SH2B1: variants seen among roughly 807,000 people sequenced by gnomAD.
SH2B1 encodes SH2B adaptor protein 1.
Under a neutral mutation model 62.6 loss-of-function variants are expected in SH2B1, and 15 were observed. The observed-to-expected ratio is 0.24, with a 90% CI of 0.16 to 0.37. The LOEUF (loss-of-function observed/expected upper bound fraction) is 0.37. Ranked by LOEUF, SH2B1 falls within the 10% of genes least tolerant of loss-of-function variation. The probability of loss-of-function intolerance (pLI) is 1.00; values close to 1 mark genes in which losing one functional copy is unlikely to be tolerated. For missense variants in SH2B1, 925 were observed against 1,015.6 expected, an observed-to-expected ratio of 0.91 and a Z score of 1.21; for synonymous variants, 443 against 438.0, an observed-to-expected ratio of 1.01 and a Z score of -0.14.
At chr16:28,870,702 G>A (rs968074208) in intron 4 of SH2B1, among the ~76,000 whole-genome samples, 1 of 150,920 alleles carries the variant, frequency 6.6e-6, no homozygotes, top group Non-Finnish European at 1.5e-5. Context: ...TTTTGTTTTT[G>A]AGATAGGGTC....
At chr16:28,860,702 ATT>A (rs1962424271), upstream of SH2B1, among the ~76,000 whole-genome samples, 1 of 151,802 alleles carries the variant, frequency 6.6e-6, no homozygotes, top group South Asian at 2.1e-4. Flanking sequence ...CCTTTATATC[ATT>A]TGTGTTTGTG....
Position 28,866,914 on chromosome 16 carries a change from G to A in SH2B1, c.820G>A (p.Val274Met), listed in dbSNP as rs748792237. Residue 274 changes from valine to methionine, a missense_variant, in exon 1 of 8, where the codon GTG becomes ATG. Physicochemically the swap from Val to Met is conservative, Grantham distance 21. Coordinates refer to ENST00000684370, the MANE Select transcript of SH2B1 (RefSeq NM_001387430.1). The surrounding 1 kb of genome is among the most constrained non-coding windows in gnomAD (Gnocchi z 6.3). The part of the protein sequence containing the change: ...DPAGVGRGGG[V>M]AGPPSGGGGQ... Reference sequence around the variant, plus strand: ...AGCCGGAGTGGGCCGGGGAGGAGGGGTGGCTGGGCCTCCTTCAGGGGGAGG... The same window carrying A: ...AGCCGGAGTGGGCCGGGGAGGAGGGATGGCTGGGCCTCCTTCAGGGGGAGG... 5.0e-6 allele frequency: 8 copies of A among 1,611,962 alleles called. No homozygotes were observed. In the African/African-American group the frequency reaches 5.3e-5, roughly 11 times the overall value.
At chr16:28,869,599 C>T (rs1962920183) in intron 4 of SH2B1, among the ~76,000 whole-genome samples, 1 of 152,170 alleles carries the variant, frequency 6.6e-6, no homozygotes, top group South Asian at 2.1e-4. Context: ...CCAAGCAAAC[C>T]TTAGCCAGGC....
intron 4 of SH2B1, among the ~76,000 whole-genome samples, chr16:28,870,394 A>G (rs1962962698): frequency 6.6e-6 from 1 of 152,224 alleles, no homozygotes; most frequent in East Asian, 1.9e-4. Flanking sequence ...AGAGACAGGG[A>G]CTGCGACGCC....
rs775842754 is a variant in SH2B1 at position 28,872,311 on chromosome 16, C to T, written c.1635C>T (p.Gly545=). 4 of 1,613,772 alleles carry T rather than the reference C, an allele frequency of 2.5e-6. No homozygotes were observed. In the Admixed American group the frequency reaches 6.7e-5, roughly 27 times the overall value. The change falls in exon 6 of 8, where the codon GGC becomes GGT. Residue 545 remains glycine, a synonymous_variant. Transcript: ENST00000684370. This position sits in a 1 kb window ranked among gnomAD's most constrained non-coding sequence, Gnocchi z 5.3. Reference sequence around the variant, plus strand: ...CTGCACAGTTGGTGCTGACTGGCGGCACTGGCTCCCACGGTGTCTTCCTGG... The same window carrying T: ...CTGCACAGTTGGTGCTGACTGGCGGTACTGGCTCCCACGGTGTCTTCCTGG... ...LKAAQLVLTG[G]TGSHGVFLVR...
rs1387779931 is a variant in SH2B1, at chr16:28,852,833, T to TTTTTTGGGTACGGAGTCTTGCTC, written c.-301+6006_-301+6007insTTTTTGGGTACGGAGTCTTGCTC. On this transcript the variant is annotated intron_variant, in intron 1 of 10. Coordinates refer to the SH2B1 transcript ENST00000322610. ...ACATATATTTACATATATATTTATA[T>TTTTTTGGGTACGGAGTCTTGCTC]ATATATACATATATATATTTTTATA... 2.6e-5 allele frequency among the ~76,000 whole-genome samples: 2 copies of TTTTTTGGGTACGGAGTCTTGCTC among 76,800 alleles called. 1 individual carries two copies. Among genetic ancestry groups the TTTTTTGGGTACGGAGTCTTGCTC allele is most frequent in the Non-Finnish European group, 4.6e-5 (2 of 43,202 alleles). 50.4% of individuals were successfully genotyped at this position (76,800 alleles called of 152,430 possible).
Position 28,873,322 on chromosome 16 carries a change from G to C in SH2B1, c.1898-125G>C. ...CCCATGATCCATCTTCCATGGATGG[G>C]GGGTTGCTCAGGAGATGGGATGTGG... On this transcript the variant is annotated intron_variant, in intron 7 of 7. Coordinates refer to ENST00000684370, the MANE Select transcript of SH2B1 (RefSeq NM_001387430.1). This position sits in a 1 kb window ranked among gnomAD's most constrained non-coding sequence, Gnocchi z 4.2. 3 of 1,587,732 alleles carry C rather than the reference G, an allele frequency of 1.9e-6. No individual in the cohort carries two copies. Among genetic ancestry groups the C allele is most frequent in the Non-Finnish European group, 2.6e-6 (3 of 1,164,142 alleles).
At chr16:28,861,365 T>C (rs1210385221), upstream of SH2B1, among the ~76,000 whole-genome samples, 1 of 151,938 alleles carries the variant, frequency 6.6e-6, no homozygotes, top group Non-Finnish European at 1.5e-5. Context: ...ACTCCTGAAC[T>C]CATGATGCGC....
Position 28,873,854 on chromosome 16 carries a change from C to G in SH2B1, c.*34C>G, listed in dbSNP as rs141596379. ...CACCCGCTCCACCCTTTTTAAACCC[C>G]CCAGCCCTGCTCGTGAGATTGGGCT... On this transcript the variant is annotated 3_prime_UTR_variant, in exon 8 of 8. Transcript: ENST00000684370. This position sits in a 1 kb window ranked among gnomAD's most constrained non-coding sequence, Gnocchi z 4.2. 290 of 1,403,154 alleles carry G rather than the reference C, an allele frequency of 2.1e-4. 5 individuals are homozygous for G. The East Asian group carries it at 5.5e-3, about 27-fold the overall frequency. The allele number at this position is 1,403,154 out of a possible 1,614,324, so 86.9% of individuals were successfully genotyped here.
chr16:28,859,151 C>G (rs1284737654), upstream of SH2B1, among the ~76,000 whole-genome samples: 1 of 151,848 alleles, frequency 6.6e-6, no homozygotes, highest in Non-Finnish European at 1.5e-5. Context: ...ACCATGTTGC[C>G]CAGGCTGGTC....
intron 1 of SH2B1, chr16:28,846,880 C>T (rs1383234044): frequency 6.5e-6 from 1 of 154,916 alleles, no homozygotes; most frequent in South Asian, 1.9e-4. Flanking sequence ...GTGTGACCTC[C>T]CTCTTCGCTG....
chr16:28,866,478 C>A lies in SH2B1; in HGVS notation c.384C>A (p.Asp128Glu). The A allele has an allele frequency of 6.2e-7, 1 of 1,613,960 alleles. No individual in the cohort carries two copies. The highest frequency in any genetic ancestry group is 8.5e-7 in the Non-Finnish European group (1 of 1,179,990). Residue 128 changes from aspartate (D) to glutamate (E), a missense_variant, in exon 1 of 8, where the codon GAC (aspartate) becomes GAA (glutamate). Around this residue, in one of 3 missense-constraint regions of SH2B1, gnomAD observed 683 missense variants for 704.0 expected, o/e 0.97. Transcript: ENST00000684370. The surrounding 1 kb of genome is among the most constrained non-coding windows in gnomAD (Gnocchi z 6.3). Reference sequence around the variant, plus strand: ...TGGGCCCTTCTCGATCATCTGAGGACCTGGCCGGCCCCCTCCCTTCCTCAG... The same window carrying A: ...TGGGCCCTTCTCGATCATCTGAGGAACTGGCCGGCCCCCTCCCTTCCTCAG... ...AVLGPSRSSE[D>E]LAGPLPSSVS... is the part of the protein sequence containing the mutation.
In SH2B1 at chr16:28,866,577, T is replaced by C; in HGVS notation, c.483T>C (p.Ser161=). The C allele has an allele frequency of 6.2e-7, 1 of 1,614,082 alleles. No homozygotes were observed. The highest frequency in any genetic ancestry group is 8.5e-7 in the Non-Finnish European group (1 of 1,180,012). Residue 161 remains serine (S), a synonymous_variant, in exon 1 of 8, where the codon TCT becomes TCC. Transcript: ENST00000684370. This position sits in a 1 kb window ranked among gnomAD's most constrained non-coding sequence, Gnocchi z 6.3. ...KRFSLRSVGR[S]VRGSVRGILQ... ...TTTCCCTGCGTTCAGTGGGTCGCTC[T>C]GTCCGAGGCTCAGTCCGTGGCATCC...
intron 1 of SH2B1, among the ~76,000 whole-genome samples, chr16:28,854,766 C>T (rs989858502): frequency 6.6e-6 from 1 of 152,096 alleles, no homozygotes; most frequent in African/African-American, 2.4e-5. Context: ...AAAATAATAA[C>T]GACAATAATA....
intron 1 of SH2B1, among the ~76,000 whole-genome samples, chr16:28,852,971 G>T (rs1171695096): frequency 6.2e-5 from 3 of 48,286 alleles, no homozygotes; most frequent in African/African-American, 1.5e-4. Context: ...ACATATATAT[G>T]TACATATATA....
upstream of SH2B1, chr16:28,863,474 C>A (rs1471387398): frequency 1.8e-6 from 1 of 545,892 alleles, no homozygotes; most frequent in African/African-American, 2.0e-5. Flanking sequence ...TGCAGCGGGC[C>A]GTTCACACAG....
rs181578610 is a variant in SH2B1, at chr16:28,873,021, C to G, written c.1897+316C>G. 274 of 655,418 alleles carry G rather than the reference C, an allele frequency of 4.2e-4. 1 individual carries two copies. The East Asian group carries it at 7.3e-3, about 18-fold the overall frequency. 40.6% of individuals were successfully genotyped at this position (655,418 alleles called of 1,614,324 possible). On this transcript the variant is annotated intron_variant, in intron 7 of 7. Transcript: ENST00000684370. The surrounding 1 kb of genome is among the most constrained non-coding windows in gnomAD (Gnocchi z 4.2). ...CCCATCCTGGCCTCGTCTTTGCCCT[C>G]CGTCGCAGCCTGGCCTTGGGCCTGC...
rs746171586 is a variant in SH2B1, at chr16:28,855,806, ATTTTT to A, written c.-300-5794_-300-5790del. Among the ~76,000 whole-genome samples the A allele has an allele frequency of 4.2e-4, 43 of 102,394 alleles. 1 individual carries two copies. The highest frequency in any genetic ancestry group is 1.6e-3 in the African/African-American group (40 of 25,030). The allele number at this position is 102,394 out of a possible 152,430, so 67.2% of individuals were successfully genotyped here. A position where few individuals can be genotyped will look rare whatever the true frequency, so the allele number is the denominator to read the frequency against. ...AGGCGCCCGCCAGCACGCCCGGCTA[ATTTTT>A]TTTTTTTTTTTTTTTTTGGATTTTT... On this transcript the variant is annotated intron_variant, in intron 1 of 10. Coordinates refer to the SH2B1 transcript ENST00000322610.
rs1484745344 is a variant in SH2B1 at position 28,873,618 on chromosome 16, A to C, written c.2069A>C (p.Glu690Ala). Residue 690 changes from glutamate to alanine, a missense_variant, in exon 8 of 8, where the codon GAA becomes GCA. This residue lies in a region of SH2B1 where 185 missense variants were observed against 189.5 expected (regional missense o/e 0.98). Transcript: ENST00000684370. The surrounding 1 kb of genome is among the most constrained non-coding windows in gnomAD (Gnocchi z 4.2). The stretch of plus-strand genomic sequence containing the variant: ...AAAGCGGGCGGTGGAGGGGTCCCGG[A>C]AGAGCTGGTCCCCGTGGTTGAGCTG... Reference protein sequence around the residue: ...KEKAGGGGVPEELVPVVELVP... With the variant: ...KEKAGGGGVPAELVPVVELVP... The C allele has an allele frequency of 6.5e-7, 1 of 1,546,756 alleles. No individual in the cohort carries two copies. Among genetic ancestry groups the C allele is most frequent in the South Asian group, 1.2e-5 (1 of 83,436 alleles).
Sources: gnomAD v4.1 joint callset for allele counts (sites outside exome capture counted in the v4.1 genomes callset) on GRCh38, gnomAD v4.1.1 for gene constraint, gnomAD v4.1.1 regional missense constraint, Gnocchi (gnomAD v3.1) non-coding constraint, MANE v1.5 for transcripts, NCBI Gene and HGNC (gene_info 2026-07-23, HGNC 2026-07-21) for gene names.